AGBL1: variants seen among roughly 807,000 people sequenced by gnomAD.
AGBL1 encodes AGBL carboxypeptidase 1.
AGBL1 carries 130 observed loss-of-function variants against 118.9 expected under a neutral mutation model. That is an observed-to-expected ratio of 1.09 (90% confidence interval 0.95 to 1.26). The LOEUF is 1.26. AGBL1 is among the 50% of genes most tolerant of loss of function. The pLI is 0.00. For synonymous variants in AGBL1, 555 were observed against 478.9 expected (o/e 1.16, Z -2.08); for missense variants, 1,584 against 1,298.1 (o/e 1.22, Z -3.38).
chr15:86,476,188 C>G (rs969791749), intron 18 of AGBL1, among the ~76,000 whole-genome samples: 6 of 152,150 alleles, frequency 3.9e-5, no homozygotes, highest in Non-Finnish European at 8.8e-5. Flanking sequence ...AGCAAAATAA[C>G]CAGCTAACAT....
chr15:86,387,069 G>A (rs764285541), intron 17 of AGBL1, among the ~76,000 whole-genome samples: 1 of 152,152 alleles, frequency 6.6e-6, no homozygotes, highest in South Asian at 2.1e-4. Context: ...CAGAAAGGGG[G>A]ATGGAAGAGA....
chr15:86,155,348 G>T lies in AGBL1; in HGVS notation c.394+787G>T, dbSNP rs374055953. 4.1e-4 allele frequency among the ~76,000 whole-genome samples: 62 copies of T among 152,262 alleles called. 1 individual carries two copies. In the East Asian group the frequency reaches 0.011, roughly 26 times the overall value. ...GCCTATAGTCCCAGCTACTTGGAAG[G>T]CTGAGGAAGGAGAATCACTTGAGCC... On this transcript the variant is annotated intron_variant, in intron 4 of 22. Coordinates refer to ENST00000614907, the MANE Select transcript of AGBL1 (RefSeq NM_001386094.1).
intron 20 of AGBL1, among the ~76,000 whole-genome samples, 180 bp from the exon 21 acceptor site, chr15:86,554,181 T>A (rs2083700480): frequency 6.6e-6 from 1 of 152,186 alleles, no homozygotes; most frequent in Non-Finnish European, 1.5e-5. Flanking sequence ...TTTCTAAGCC[T>A]GTTTCCTCAT....
At chr15:86,675,780 CT>C (rs1272119462) in intron 22 of AGBL1, among the ~76,000 whole-genome samples, 2 of 152,072 alleles carry the variant, frequency 1.3e-5, no homozygotes, top group African/African-American at 4.8e-5. Context: ...CCTTCTTTCT[CT>C]TTTTCCCCCT....
chr15:86,973,753 C>T (rs1294298759), intron 23 of AGBL1, among the ~76,000 whole-genome samples: 2 of 151,430 alleles, frequency 1.3e-5, no homozygotes, highest in African/African-American at 4.9e-5. Flanking sequence ...AGAGACCAGG[C>T]TTCCCCAGGT....
chr15:86,159,086 C>A, intron 5 of AGBL1, 60 bp downstream of exon 5: 1 of 1,474,298 alleles, frequency 6.8e-7, no homozygotes, highest in Non-Finnish European at 9.5e-7. Flanking sequence ...ATGGAGATTG[C>A]CCTACATGTA....
At chr15:86,589,307 A>C (rs2142347984) in intron 21 of AGBL1, among the ~76,000 whole-genome samples, 1 of 152,312 alleles carries the variant, frequency 6.6e-6, no homozygotes, top group Admixed American at 6.5e-5. Context: ...GGGGCATCTC[A>C]GCAAGAGAGG....
chr15:86,896,991 G>A (rs2080138671), intron 22 of AGBL1, among the ~76,000 whole-genome samples: 1 of 152,070 alleles, frequency 6.6e-6, no homozygotes, highest in Non-Finnish European at 1.5e-5. Context: ...TATATTTCTT[G>A]AGGTCTTGCA....
At chr15:86,814,035 G>A (rs929317101) in intron 22 of AGBL1, among the ~76,000 whole-genome samples, 1 of 152,160 alleles carries the variant, frequency 6.6e-6, no homozygotes, top group Non-Finnish European at 1.5e-5. Flanking sequence ...GGCCTGGGAA[G>A]CCGGATGCTT....
intron 18 of AGBL1, among the ~76,000 whole-genome samples, chr15:86,476,101 A>C (rs981691868): frequency 1.3e-5 from 2 of 152,218 alleles, no homozygotes; most frequent in African/African-American, 4.8e-5. Context: ...GGAAAGGAAC[A>C]ACCAGTACCA....
rs1490334250 is a variant in AGBL1 at position 86,410,852 on chromosome 15, T to TATATAATA, written c.2555+13306_2555+13307insATATAATA. Among the ~76,000 whole-genome samples, 106 of 103,954 alleles carry TATATAATA rather than the reference T, an allele frequency of 1.0e-3. 2 individuals carry two copies. The highest frequency in any genetic ancestry group is 3.5e-3 in the South Asian group (13 of 3,682). The allele number at this position is 103,954 out of a possible 152,430, so 68.2% of individuals were successfully genotyped here. A position where few individuals can be genotyped will look rare whatever the true frequency, so the allele number is the denominator to read the frequency against. On this transcript the variant is annotated intron_variant, in intron 18 of 22. Coordinates refer to ENST00000614907, the MANE Select transcript of AGBL1 (RefSeq NM_001386094.1). ...TATATATATATATATAATATACTAT[T>TATATAATA]TTATATATAAAATATATAATATATA...
At chr15:86,561,171 T>C (rs527842271) in intron 21 of AGBL1, among the ~76,000 whole-genome samples, 1 of 152,346 alleles carries the variant, frequency 6.6e-6, no homozygotes, top group South Asian at 2.1e-4. Context: ...TTGGCTTTTG[T>C]TGCCATTGCT....
chr15:86,901,185 A>T (rs917592835), intron 22 of AGBL1, among the ~76,000 whole-genome samples: 1 of 152,138 alleles, frequency 6.6e-6, no homozygotes, highest in African/African-American at 2.4e-5. Flanking sequence ...TGGCTTTCAA[A>T]TATGTTGACT....
At chr15:86,275,443 T>C (rs1000552790) in intron 15 of AGBL1, among the ~76,000 whole-genome samples, 10 of 152,216 alleles carry the variant, frequency 6.6e-5, no homozygotes, top group Admixed American at 6.5e-4. Context: ...AATGAAATGA[T>C]ACACCCTTGT....
intron 23 of AGBL1, among the ~76,000 whole-genome samples, chr15:86,943,347 G>A (rs148348466): frequency 6.6e-6 from 1 of 152,296 alleles, no homozygotes; most frequent in East Asian, 1.9e-4. Flanking sequence ...ATATCCAGAT[G>A]TGGAAAAAAA....
intron 22 of AGBL1, among the ~76,000 whole-genome samples, chr15:86,792,403 C>G (rs1477008577): frequency 6.6e-6 from 1 of 152,034 alleles, no homozygotes; most frequent in Non-Finnish European, 1.5e-5. Flanking sequence ...AAGTGTCATT[C>G]CAAATACTAG....
Position 86,262,723 on chromosome 15 carries a change from G to C in AGBL1, c.970-55G>C. The C allele has an allele frequency of 2.5e-6, 3 of 1,199,240 alleles. No homozygotes were observed. The Admixed American group carries it at 5.9e-5, about 23-fold the overall frequency. The allele number at this position is 1,199,240 out of a possible 1,614,324, so 74.3% of individuals were successfully genotyped here. ...AAGCACATACATATCATGTCTTGAT[G>C]CTTCTCAGGGTGGATTTCCTGACTG... On this transcript the variant is annotated intron_variant, in intron 9 of 22. Coordinates refer to ENST00000614907, the MANE Select transcript of AGBL1 (RefSeq NM_001386094.1).
chr15:86,467,458 G>T (rs180739640), intron 18 of AGBL1, among the ~76,000 whole-genome samples: 42 of 152,264 alleles, frequency 2.8e-4, no homozygotes, highest in African/African-American at 9.9e-4. Flanking sequence ...GCTGACTTCA[G>T]CCCCCTTTCC....
Position 86,761,921 on chromosome 15 carries a change from T to C in AGBL1, c.3158+87485T>C, listed in dbSNP as rs2078029811. ...AAAATCTTTGCCCATGCCTATGTAC[T>C]GAATGGTATTGCCTAGATTTTCTTC... On this transcript the variant is annotated intron_variant, in intron 22 of 22. Transcript: ENST00000614907. Among the ~76,000 whole-genome samples the C allele has an allele frequency of 2.0e-5, 3 of 152,130 alleles. No individual in the cohort carries two copies. The South Asian group carries it at 6.2e-4, about 31-fold the overall frequency.
Sources: allele counts gnomAD v4.1 joint callset (sites outside exome capture counted in the v4.1 genomes callset), GRCh38; gene constraint gnomAD v4.1.1; transcripts MANE v1.5; gene names NCBI Gene and HGNC (gene_info 2026-07-23, HGNC 2026-07-21).